RIMS2: variants seen among roughly 807,000 people sequenced by gnomAD.
RIMS2 encodes the protein regulating synaptic membrane exocytosis protein 2.
RIMS2 carries 59 observed loss-of-function variants against 174.4 expected under a neutral mutation model. The ratio of observed to expected loss-of-function variants is 0.34; its 90% confidence interval spans 0.27 to 0.42. The LOEUF (loss-of-function observed/expected upper bound fraction) is 0.42, where lower values mean the gene tolerates loss of function less well. Among genes scored for constraint, RIMS2 ranks in the 10% least tolerant of loss-of-function variants. The pLI is 1.00. For synonymous variants in RIMS2, 606 were observed against 572.5 expected (o/e 1.06, Z -0.84); for missense variants, 1,620 against 1,666.3 (o/e 0.97, Z 0.48).
At chr8:103,814,539 AT>A (rs2098707238) in intron 3 of RIMS2, among the ~76,000 whole-genome samples, 1 of 152,156 alleles carries the variant, frequency 6.6e-6, no homozygotes, top group South Asian at 2.1e-4. Flanking sequence ...CATAGTACTA[AT>A]TAAACAATTT....
chr8:103,903,893 A>T (rs992456785), intron 4 of RIMS2, among the ~76,000 whole-genome samples: 1 of 152,114 alleles, frequency 6.6e-6, no homozygotes, highest in African/African-American at 2.4e-5. Context: ...GTTCAGTGAG[A>T]TCCTATATAT....
At chr8:103,629,325 T>C (rs2095858866) in intron 1 of RIMS2, among the ~76,000 whole-genome samples, 1 of 152,230 alleles carries the variant, frequency 6.6e-6, no homozygotes, top group African/African-American at 2.4e-5. Flanking sequence ...GAACAGACAA[T>C]GCATGAAGCT....
intron 19 of RIMS2, among the ~76,000 whole-genome samples, chr8:104,228,873 T>G (rs2139086217): frequency 6.6e-6 from 1 of 152,344 alleles, no homozygotes; most frequent in South Asian, 2.1e-4. Context: ...ATGTTAGATT[T>G]ACATTATAAC....
At chr8:103,817,064 G>A (rs1211568522) in intron 3 of RIMS2, among the ~76,000 whole-genome samples, 1 of 152,076 alleles carries the variant, frequency 6.6e-6, no homozygotes, top group Non-Finnish European at 1.5e-5. Context: ...AAATTGACTT[G>A]AAAATAAGAA....
chr8:103,551,582 G>A (rs756516425), intron 1 of RIMS2, among the ~76,000 whole-genome samples: 35 of 152,158 alleles, frequency 2.3e-4, no homozygotes, highest in Admixed American at 1.7e-3. Context: ...TCAGCATAGT[G>A]TTGGAAGTTC....
At chr8:103,923,842 A>G (rs1316597248) in intron 10 of RIMS2, among the ~76,000 whole-genome samples, 1 of 151,750 alleles carries the variant, frequency 6.6e-6, no homozygotes, top group Non-Finnish European at 1.5e-5. Context: ...ATCACCTATA[A>G]TCCTGACACT....
At chr8:103,922,666 T>TAAA (rs761691458) in intron 10 of RIMS2, 3 of 397,720 alleles carry the variant, frequency 7.5e-6, no homozygotes, top group South Asian at 5.5e-5. Flanking sequence ...CTAAATTATT[T>TAAA]GAGGCTGATA....
intron 1 of RIMS2, among the ~76,000 whole-genome samples, chr8:103,563,110 C>T (rs2091857182): frequency 1.3e-5 from 2 of 152,194 alleles, no homozygotes; most frequent in African/African-American, 4.8e-5. Context: ...CTCTGACAAG[C>T]CCTGGAGACA....
intron 19 of RIMS2, among the ~76,000 whole-genome samples, chr8:104,126,391 A>G (rs1025318882): frequency 6.6e-6 from 1 of 152,214 alleles, no homozygotes; most frequent in Non-Finnish European, 1.5e-5. Context: ...AGTGCCAGCT[A>G]AATCAAGTGA....
chr8:103,684,140 A>G (rs143395194), intron 1 of RIMS2, among the ~76,000 whole-genome samples: 1 of 152,270 alleles, frequency 6.6e-6, no homozygotes, highest in Non-Finnish European at 1.5e-5. Context: ...GTGAGTTTTG[A>G]CAAACATAAA....
chr8:103,927,693 A>G, intron 10 of RIMS2: 1 of 644,014 alleles, frequency 1.6e-6, no homozygotes, highest in Non-Finnish European at 2.8e-6. Flanking sequence ...CATCACACTG[A>G]AGTACTTAAT....
intron 2 of RIMS2, among the ~76,000 whole-genome samples, chr8:103,706,855 T>C (rs1454225797): frequency 1.3e-5 from 2 of 152,198 alleles, no homozygotes; most frequent in African/African-American, 4.8e-5. Flanking sequence ...AGTTCTCTTA[T>C]TATTTCTTTA....
chr8:104,104,484 C>CTTGTA (rs2097991118), intron 19 of RIMS2, among the ~76,000 whole-genome samples: 1 of 151,970 alleles, frequency 6.6e-6, no homozygotes, highest in Non-Finnish European at 1.5e-5. Context: ...AATGTCAGTG[C>CTTGTA]TAAATAAGAA....
chr8:103,778,698 T>C (rs923988325), intron 3 of RIMS2, among the ~76,000 whole-genome samples: 4 of 152,226 alleles, frequency 2.6e-5, no homozygotes, highest in Non-Finnish European at 5.9e-5. Context: ...TTGTGAATAG[T>C]GCTGCATTAA....
intron 1 of RIMS2, among the ~76,000 whole-genome samples, chr8:103,521,681 C>T (rs972943942): frequency 4.6e-5 from 7 of 151,892 alleles, no homozygotes; most frequent in Non-Finnish European, 5.9e-5. Context: ...ATTTTTGCTC[C>T]GGTGTCATGC....
At chr8:104,008,908 T>C (rs1265996697) in intron 17 of RIMS2, among the ~76,000 whole-genome samples, 1 of 152,032 alleles carries the variant, frequency 6.6e-6, no homozygotes, top group Non-Finnish European at 1.5e-5. Flanking sequence ...TAAATTAATC[T>C]TCCTCCAAAA....
chr8:104,018,165 A>G (rs2095979951), intron 19 of RIMS2, among the ~76,000 whole-genome samples: 2 of 152,138 alleles, frequency 1.3e-5, no homozygotes, highest in Non-Finnish European at 2.9e-5. Context: ...AGATATACCT[A>G]TTTGGTCTTA....
chr8:103,839,646 C>T (rs2098927972), intron 3 of RIMS2, among the ~76,000 whole-genome samples: 1 of 152,130 alleles, frequency 6.6e-6, no homozygotes, highest in Non-Finnish European at 1.5e-5. Context: ...TCAGCAGGTG[C>T]AGTCTACTAG....
chr8:103,777,159 C>T (rs1480301176), intron 3 of RIMS2, among the ~76,000 whole-genome samples: 2 of 151,788 alleles, frequency 1.3e-5, no homozygotes, highest in Non-Finnish European at 2.9e-5. Flanking sequence ...CATAGTGGTG[C>T]TCATTAAATA....
Sources: gnomAD v4.1 joint callset for allele counts (sites outside exome capture counted in the v4.1 genomes callset) on GRCh38, gnomAD v4.1.1 for gene constraint, MANE v1.5 for transcripts, NCBI Gene and HGNC (gene_info 2026-07-23, HGNC 2026-07-21) for gene names.